The following HDAC9 variants were observed in gnomAD, a reference collection of about 807,000 sequenced individuals.
HDAC9 encodes MEF-2 interacting transcription repressor (MITR) protein.
In HDAC9, 41 loss-of-function variants were observed where a neutral mutation model predicts 139.4. The observed-to-expected ratio is 0.29, with a 90% CI of 0.23 to 0.38. The LOEUF (loss-of-function observed/expected upper bound fraction) is 0.38. Among genes scored for constraint, HDAC9 ranks in the 10% least tolerant of loss-of-function variants. The pLI, the probability that HDAC9 is intolerant of heterozygous loss-of-function variation, is 1.00. For synonymous variants in HDAC9, 517 were observed against 476.2 expected (o/e 1.09, Z -1.12); for missense variants, 1,147 against 1,297.0 (o/e 0.88, Z 1.78).
At chr7:18,585,030 T>C (rs1200716173) in intron 2 of HDAC9, among the ~76,000 whole-genome samples, 1 of 152,192 alleles carries the variant, frequency 6.6e-6, no homozygotes, top group African/African-American at 2.4e-5. Flanking sequence ...AGTCACCTGT[T>C]TGTAAAAGGA....
intron 1 of HDAC9, among the ~76,000 whole-genome samples, chr7:18,135,258 T>C (rs76544087): frequency 6.7e-6 from 1 of 149,450 alleles, no homozygotes; most frequent in African/African-American, 2.5e-5. Context: ...TTTCTTTCTT[T>C]TTTTTTTTTT....
At chr7:18,736,948 C>T (rs142940610) in intron 13 of HDAC9, among the ~76,000 whole-genome samples, 45 of 152,214 alleles carry the variant, frequency 3.0e-4, no homozygotes, top group South Asian at 1.4e-3. Context: ...CAACTTCTTC[C>T]GGCTTTAGTC....
chr7:18,406,074 A>T (rs966683818), intron 1 of HDAC9, among the ~76,000 whole-genome samples: 9 of 152,220 alleles, frequency 5.9e-5, no homozygotes, highest in African/African-American at 2.2e-4. Context: ...ATATTGTACA[A>T]TTATGTTACC....
intron 2 of HDAC9, among the ~76,000 whole-genome samples, chr7:18,540,215 G>T (rs1029410024): frequency 6.9e-6 from 1 of 145,574 alleles, no homozygotes; most frequent in Admixed American, 6.9e-5. Flanking sequence ...GGAGGTTGCA[G>T]TGAGCCGAGA....
At chr7:18,296,379 A>C (rs1277452537) in intron 1 of HDAC9, among the ~76,000 whole-genome samples, 1 of 149,662 alleles carries the variant, frequency 6.7e-6, no homozygotes. Flanking sequence ...AAAAATAATA[A>C]ATTTTATTTT....
intron 22 of HDAC9, among the ~76,000 whole-genome samples, chr7:18,922,372 C>A (rs549335003): frequency 5.3e-5 from 8 of 151,290 alleles, no homozygotes; most frequent in African/African-American, 1.9e-4. Flanking sequence ...TTTCTTTTTC[C>A]CAAAAAAATA....
chr7:18,657,470 A>C (rs979565521), intron 11 of HDAC9, among the ~76,000 whole-genome samples: 1 of 152,170 alleles, frequency 6.6e-6, no homozygotes, highest in Non-Finnish European at 1.5e-5. Context: ...TCTACTCTTA[A>C]AGAGAAAAGG....
chr7:18,584,381 G>A (rs1828813347), intron 2 of HDAC9, among the ~76,000 whole-genome samples: 1 of 151,918 alleles, frequency 6.6e-6, no homozygotes, highest in Non-Finnish European at 1.5e-5. Flanking sequence ...GCCTGCCTTG[G>A]CCTCCCAAAG....
At chr7:18,500,259 T>TGATTTTAATTTTGGAGATGAGC (rs1213402366) in intron 2 of HDAC9, among the ~76,000 whole-genome samples, 1 of 152,170 alleles carries the variant, frequency 6.6e-6, no homozygotes, top group East Asian at 1.9e-4. Flanking sequence ...TTCTAAATGA[T>TGATTTTAATTTTGGAGATGAGC]GATTTTAATT....
At chr7:18,347,671 C>T (rs1350163251) in intron 1 of HDAC9, among the ~76,000 whole-genome samples, 2 of 152,084 alleles carry the variant, frequency 1.3e-5, no homozygotes, top group Non-Finnish European at 2.9e-5. Flanking sequence ...AATCTCGGCT[C>T]ACTGTAACCT....
At chr7:18,305,351 A>C (rs1277786983) in intron 1 of HDAC9, among the ~76,000 whole-genome samples, 2 of 152,240 alleles carry the variant, frequency 1.3e-5, no homozygotes, top group African/African-American at 4.8e-5. Context: ...ATCAAATATG[A>C]AAATACATGA....
At chr7:18,512,835 G>T (rs1801971671) in intron 2 of HDAC9, among the ~76,000 whole-genome samples, 1 of 152,176 alleles carries the variant, frequency 6.6e-6, no homozygotes, top group Non-Finnish European at 1.5e-5. Context: ...GAGTAAGTGT[G>T]CACAAATGGC....
intron 1 of HDAC9, among the ~76,000 whole-genome samples, chr7:18,302,940 A>G (rs117672535): frequency 5.1e-4 from 78 of 152,198 alleles, no homozygotes; most frequent in Admixed American, 8.5e-4. Flanking sequence ...CAGTTAAGTA[A>G]CTTTTTCCTT....
chr7:18,950,311 A>G (rs1378972453), intron 23 of HDAC9, among the ~76,000 whole-genome samples: 1 of 152,228 alleles, frequency 6.6e-6, no homozygotes, highest in Non-Finnish European at 1.5e-5. Flanking sequence ...GCATGTCAGG[A>G]AACCTTGCCA....
At chr7:18,735,372 T>A (rs562048017) in intron 13 of HDAC9, among the ~76,000 whole-genome samples, 1 of 152,352 alleles carries the variant, frequency 6.6e-6, no homozygotes, top group East Asian at 1.9e-4. Flanking sequence ...GTTTTAGGTC[T>A]AACATTTAAG....
At chr7:18,591,473 G>A (rs1830931402) in intron 4 of HDAC9, 43 bp from the exon 5 acceptor site, 10 of 1,461,124 alleles carry the variant, frequency 6.8e-6, no homozygotes, top group Non-Finnish European at 9.1e-6. Context: ...TTCTGTGTGT[G>A]TATGTGTGTG....
intron 17 of HDAC9, chr7:18,808,309 CT>C (rs1793890415): frequency 6.6e-6 from 1 of 152,134 alleles, no homozygotes; most frequent in South Asian, 2.1e-4. Flanking sequence ...CAATATTGTA[CT>C]GCAAGCCTAG....
chr7:18,112,724 A>G (rs550052220), intron 1 of HDAC9, among the ~76,000 whole-genome samples: 1 of 152,304 alleles, frequency 6.6e-6, no homozygotes, highest in East Asian at 1.9e-4. Flanking sequence ...TAATGAACAT[A>G]TATATGTGTG....
At chr7:18,342,061 C>A (rs1197105648) in intron 1 of HDAC9, among the ~76,000 whole-genome samples, 1 of 151,750 alleles carries the variant, frequency 6.6e-6, no homozygotes, top group Non-Finnish European at 1.5e-5. Context: ...GAACTATTAC[C>A]TTTAATTCTT....
Sources: allele counts gnomAD v4.1 joint callset (sites outside exome capture counted in the v4.1 genomes callset), GRCh38; gene constraint gnomAD v4.1.1; transcripts MANE v1.5; gene names NCBI Gene and HGNC (gene_info 2026-07-23, HGNC 2026-07-21).